PPP2R2C: variants seen among roughly 807,000 people sequenced by gnomAD.
PPP2R2C encodes protein phosphatase 2, regulatory subunit B, gamma.
A neutral mutation model predicts 45.3 loss-of-function variants in PPP2R2C; 10 were observed. The ratio of observed to expected loss-of-function variants is 0.22; its 90% CI spans 0.14 to 0.37. The LOEUF (loss-of-function observed/expected upper bound fraction) is 0.37. Ranked by LOEUF, PPP2R2C falls within the 10% of genes least tolerant of loss-of-function variation. The probability of loss-of-function intolerance (pLI) is 1.00; values close to 1 mark genes in which losing one functional copy is unlikely to be tolerated. For missense variants in PPP2R2C, 308 were observed against 619.7 expected, an observed-to-expected ratio of 0.50 and a Z score of 5.34; for synonymous variants, 257 against 245.4, an observed-to-expected ratio of 1.05 and a Z score of -0.44.
At chr4:6,383,858 G>T (rs1716037345) in intron 1 of PPP2R2C, 9 of 994,126 alleles carry the variant, frequency 9.1e-6, no homozygotes, top group Non-Finnish European at 1.1e-5. Context: ...TCTTTTTCCA[G>T]TCTGGGCCTT....
intron 2 of PPP2R2C, among the ~76,000 whole-genome samples, chr4:6,496,343 C>T (rs1560585179): frequency 6.6e-6 from 1 of 152,210 alleles, no homozygotes; most frequent in Non-Finnish European, 1.5e-5. Flanking sequence ...CTGGACCCCA[C>T]CAGCCCAGGC....
intron 1 of PPP2R2C, among the ~76,000 whole-genome samples, chr4:6,548,379 C>A (rs1725066514): frequency 1.3e-5 from 2 of 152,200 alleles, no homozygotes; most frequent in South Asian, 4.1e-4. Flanking sequence ...CTGCTCCCAT[C>A]CTCACAGCCA....
intron 5 of PPP2R2C, chr4:6,350,092 T>A (rs1712402345): frequency 1.0e-6 from 1 of 985,338 alleles, no homozygotes; most frequent in Non-Finnish European, 1.2e-6. Flanking sequence ...AAAAATGAGT[T>A]AAGGCATCAC....
intron 1 of PPP2R2C, among the ~76,000 whole-genome samples, chr4:6,451,083 G>C (rs1367895550): frequency 6.6e-6 from 1 of 152,176 alleles, no homozygotes; most frequent in Non-Finnish European, 1.5e-5. Context: ...AGCTGGTCAG[G>C]CGATGCTCTG....
chr4:6,533,104 C>T (rs909654336), intron 2 of PPP2R2C, among the ~76,000 whole-genome samples: 2 of 152,156 alleles, frequency 1.3e-5, no homozygotes, highest in Admixed American at 6.5e-5. Context: ...GGCTTGCAAA[C>T]GTGACTTTAG....
chr4:6,450,917 A>G (rs2108746069), intron 1 of PPP2R2C, among the ~76,000 whole-genome samples: 1 of 152,194 alleles, frequency 6.6e-6, no homozygotes, highest in South Asian at 2.1e-4. Context: ...ATCGGCGGAC[A>G]CTTCAGCCCC....
intron 1 of PPP2R2C, among the ~76,000 whole-genome samples, chr4:6,395,450 A>G (rs2109340106): frequency 6.6e-6 from 1 of 152,324 alleles, no homozygotes; most frequent in South Asian, 2.1e-4. Context: ...CCCGGTGTCC[A>G]GGGTAAGGCT....
chr4:6,462,482 A>T (rs906111737), intron 1 of PPP2R2C, among the ~76,000 whole-genome samples: 2 of 151,710 alleles, frequency 1.3e-5, no homozygotes, highest in Admixed American at 1.3e-4. Context: ...CCGTCTTAAA[A>T]AAAATAAAAT....
intron 1 of PPP2R2C, among the ~76,000 whole-genome samples, chr4:6,388,107 C>T (rs1291060919): frequency 1.3e-5 from 2 of 152,186 alleles, no homozygotes; most frequent in East Asian, 1.9e-4. Context: ...GTGTGGGTGA[C>T]GAGAAGCCCA....
intron 1 of PPP2R2C, among the ~76,000 whole-genome samples, chr4:6,452,642 C>T (rs1469584615): frequency 6.6e-6 from 1 of 152,246 alleles, no homozygotes; most frequent in Non-Finnish European, 1.5e-5. Flanking sequence ...CTCCCACTGT[C>T]CCCATGTGGC....
At chr4:6,531,210 C>T (rs763583214) in intron 2 of PPP2R2C, among the ~76,000 whole-genome samples, 2 of 152,208 alleles carry the variant, frequency 1.3e-5, no homozygotes, top group African/African-American at 2.4e-5. Flanking sequence ...CCTTCGAGGC[C>T]TCTCAGTCCC....
chr4:6,424,017 T>C (rs1002694004), intron 1 of PPP2R2C, among the ~76,000 whole-genome samples: 1 of 152,230 alleles, frequency 6.6e-6, no homozygotes, highest in Non-Finnish European at 1.5e-5. Flanking sequence ...CTCCTGCCCA[T>C]GCATTCTGCC....
intron 5 of PPP2R2C, chr4:6,350,403 T>A: frequency 1.0e-6 from 1 of 985,332 alleles, no homozygotes; most frequent in Non-Finnish European, 1.2e-6. Context: ...GGCCCATGGA[T>A]AATGTGCAGT....
intron 1 of PPP2R2C, among the ~76,000 whole-genome samples, chr4:6,451,686 G>C (rs1367315086): frequency 6.6e-6 from 1 of 152,100 alleles, no homozygotes; most frequent in Non-Finnish European, 1.5e-5. Flanking sequence ...TGGAGGTTTG[G>C]GGATGGCCAG....
chr4:6,496,566 T>TAA (rs1304158409), intron 2 of PPP2R2C, among the ~76,000 whole-genome samples: 1 of 152,184 alleles, frequency 6.6e-6, no homozygotes, highest in African/African-American at 2.4e-5. Flanking sequence ...TTCTGTGCGT[T>TAA]AAAGTCTGTG....
intron 6 of PPP2R2C, among the ~76,000 whole-genome samples, chr4:6,334,313 C>T (rs1732662066): frequency 6.6e-6 from 1 of 152,188 alleles, no homozygotes; most frequent in Non-Finnish European, 1.5e-5. Context: ...TTGGTACAGT[C>T]TCCTGTATGC....
At chr4:6,520,516 C>T (rs1474458080) in intron 2 of PPP2R2C, among the ~76,000 whole-genome samples, 1 of 152,182 alleles carries the variant, frequency 6.6e-6, no homozygotes, top group Non-Finnish European at 1.5e-5. Flanking sequence ...CGAGGGGCTG[C>T]CTGAAACAGA....
At chr4:6,419,407 G>A (rs1041265149) in intron 1 of PPP2R2C, among the ~76,000 whole-genome samples, 7 of 151,740 alleles carry the variant, frequency 4.6e-5, no homozygotes, top group South Asian at 2.1e-4. Context: ...ACTCCTAGGC[G>A]ACAGAGTGAG....
chr4:6,350,426 CAG>C, intron 5 of PPP2R2C: 4 of 985,402 alleles, frequency 4.1e-6, no homozygotes, highest in Non-Finnish European at 4.8e-6. Flanking sequence ...AGAGGCAGGG[CAG>C]AGAGGGGCTA....
Sources: allele counts gnomAD v4.1 joint callset (sites outside exome capture counted in the v4.1 genomes callset), GRCh38; gene constraint gnomAD v4.1.1; transcripts MANE v1.5; gene names NCBI Gene and HGNC (gene_info 2026-07-23, HGNC 2026-07-21).